SPAG16: variants seen among roughly 807,000 people sequenced by gnomAD.
SPAG16 encodes sperm-associated antigen 16 protein.
In SPAG16, 86 loss-of-function variants were observed where a neutral mutation model predicts 80.4. The observed-to-expected ratio is 1.07, with a 90% CI of 0.90 to 1.28. The LOEUF (loss-of-function observed/expected upper bound fraction) is 1.28, where lower values mean the gene tolerates loss of function less well. Among genes scored for constraint, SPAG16 ranks in the 50% most tolerant of loss-of-function variants. SPAG16 has a pLI of 0.00. For missense variants in SPAG16, 870 were observed against 765.3 expected (o/e 1.14, Z -1.61); for synonymous variants, 294 against 265.9 (o/e 1.11, Z -1.03).
chr2:214,361,216 C>T (rs544936738), intron 15 of SPAG16, among the ~76,000 whole-genome samples: 2 of 151,754 alleles, frequency 1.3e-5, no homozygotes, highest in South Asian at 4.2e-4. Context: ...ATTTTATGAC[C>T]CCCAGTGCTA....
chr2:213,292,521 G>A (rs1415581787), intron 1 of SPAG16, among the ~76,000 whole-genome samples: 1 of 150,702 alleles, frequency 6.6e-6, no homozygotes, highest in Admixed American at 6.6e-5. Context: ...AAAATTAGCC[G>A]GGCGTAGTGG....
At chr2:213,693,984 T>A (rs2065052276) in intron 10 of SPAG16, among the ~76,000 whole-genome samples, 1 of 151,462 alleles carries the variant, frequency 6.6e-6, no homozygotes, top group African/African-American at 2.4e-5. Flanking sequence ...GGATTTATCA[T>A]GTCAACTCTC....
At chr2:214,355,409 A>G (rs1165183477) in intron 15 of SPAG16, among the ~76,000 whole-genome samples, 2 of 144,740 alleles carry the variant, frequency 1.4e-5, no homozygotes, top group Non-Finnish European at 1.5e-5. Context: ...GCAGCCAAAA[A>G]ACACATGAAA....
intron 15 of SPAG16, among the ~76,000 whole-genome samples, chr2:214,156,293 T>C (rs1267997949): frequency 6.6e-6 from 1 of 152,154 alleles, no homozygotes; most frequent in Non-Finnish European, 1.5e-5. Flanking sequence ...GCAGTGTAAA[T>C]TCCTATTCAA....
chr2:213,873,497 A>T, intron 11 of SPAG16, among the ~76,000 whole-genome samples: 1 of 151,226 alleles, frequency 6.6e-6, no homozygotes, highest in Admixed American at 6.6e-5. Flanking sequence ...TCTTTTATTT[A>T]TTTACATTCA....
intron 10 of SPAG16, among the ~76,000 whole-genome samples, chr2:213,629,300 T>C (rs1166991134): frequency 6.6e-6 from 1 of 152,176 alleles, no homozygotes; most frequent in Admixed American, 6.5e-5. Flanking sequence ...TCTTAGCCAT[T>C]GCAACCAAGG....
At chr2:213,579,506 T>A (rs1186106964) in intron 10 of SPAG16, among the ~76,000 whole-genome samples, 1 of 152,184 alleles carries the variant, frequency 6.6e-6, no homozygotes, top group Non-Finnish European at 1.5e-5. Flanking sequence ...TTTCATTTGA[T>A]CTAAAATAAG....
chr2:213,957,876 C>T (rs192770650), intron 12 of SPAG16, among the ~76,000 whole-genome samples: 97 of 152,236 alleles, frequency 6.4e-4, no homozygotes, highest in Non-Finnish European at 5.7e-4. Flanking sequence ...GTCTTAAAGT[C>T]TCTTTCTGGT....
intron 9 of SPAG16, among the ~76,000 whole-genome samples, chr2:213,407,512 C>T (rs1455201581): frequency 6.6e-6 from 1 of 151,884 alleles, no homozygotes; most frequent in Non-Finnish European, 1.5e-5. Context: ...CACAACCCCC[C>T]CGTTCAACCC....
At chr2:214,119,994 G>A (rs12616765) in intron 14 of SPAG16, among the ~76,000 whole-genome samples, 146,577 of 152,038 alleles carry the variant, frequency 0.96, 70,798 homozygotes, top group Non-Finnish European at 0.99. Flanking sequence ...TTTCTATGCT[G>A]TGTCTACATG....
intron 15 of SPAG16, among the ~76,000 whole-genome samples, chr2:214,224,937 G>A (rs748344414): frequency 6.6e-6 from 1 of 151,824 alleles, no homozygotes; most frequent in Non-Finnish European, 1.5e-5. Flanking sequence ...ATTAACTGGT[G>A]CACAATATTA....
intron 10 of SPAG16, among the ~76,000 whole-genome samples, chr2:213,510,398 T>G (rs1020990131): frequency 6.6e-6 from 1 of 152,150 alleles, no homozygotes; most frequent in Non-Finnish European, 1.5e-5. Flanking sequence ...TTTTTTTTAT[T>G]ATTTTATTTT....
chr2:213,861,008 G>C (rs565908560), intron 10 of SPAG16, among the ~76,000 whole-genome samples: 1 of 152,112 alleles, frequency 6.6e-6, no homozygotes, highest in Admixed American at 6.5e-5. Flanking sequence ...CTTCTATCCG[G>C]TTTGAGCTGT....
chr2:213,348,077 A>G (rs184554605), intron 6 of SPAG16, among the ~76,000 whole-genome samples: 119 of 152,250 alleles, frequency 7.8e-4, no homozygotes, highest in African/African-American at 2.7e-3. Context: ...CTCCTGTATT[A>G]GGTGCACATA....
Position 214,165,469 on chromosome 2 carries a change from C to CTTTTTTTT in SPAG16, c.1720+16233_1720+16240dup, listed in dbSNP as rs67726428. On this transcript the variant is annotated intron_variant, in intron 15 of 15. Coordinates refer to ENST00000331683, the MANE Select transcript of SPAG16 (RefSeq NM_024532.5). Reference sequence around the variant, plus strand: ...TTTAAAAATGCTTTGCATCACCATCCTTTTTTTTTTTTTTTTTTTTTTTTT... The same window carrying CTTTTTTTT: ...TTTAAAAATGCTTTGCATCACCATCCTTTTTTTTTTTTTTTTTTTTTTTTTTTTTTTTT... 1.1e-3 allele frequency among the ~76,000 whole-genome samples: 41 copies of CTTTTTTTT among 37,858 alleles called. 5 individuals are homozygous for CTTTTTTTT. The highest frequency in any genetic ancestry group is 3.3e-3 in the African/African-American group (24 of 7,174). 24.8% of individuals were successfully genotyped at this position (37,858 alleles called of 152,430 possible).
intron 10 of SPAG16, among the ~76,000 whole-genome samples, chr2:213,702,384 G>A (rs1375989300): frequency 1.3e-5 from 2 of 152,178 alleles, no homozygotes; most frequent in Non-Finnish European, 2.9e-5. Flanking sequence ...TGCTGCTGCT[G>A]TTTGGGTCCA....
At chr2:213,519,248 CCTTA>C (rs1420014186) in intron 10 of SPAG16, among the ~76,000 whole-genome samples, 1 of 152,032 alleles carries the variant, frequency 6.6e-6, no homozygotes, top group Non-Finnish European at 1.5e-5. Flanking sequence ...TGATTCATAC[CCTTA>C]CTTTTAAAAA....
At chr2:213,892,858 G>T (rs1353687787) in intron 11 of SPAG16, among the ~76,000 whole-genome samples, 1 of 152,076 alleles carries the variant, frequency 6.6e-6, no homozygotes. Context: ...TGAGAAAGTT[G>T]AACAATAGCA....
intron 10 of SPAG16, among the ~76,000 whole-genome samples, chr2:213,749,031 C>A (rs908562025): frequency 3.9e-5 from 6 of 152,072 alleles, no homozygotes; most frequent in Non-Finnish European, 7.4e-5. Flanking sequence ...CCTGTAGTCC[C>A]AGCTACTCAG....
Sources: allele counts gnomAD v4.1 joint callset (sites outside exome capture counted in the v4.1 genomes callset), GRCh38; gene constraint gnomAD v4.1.1; transcripts MANE v1.5; gene names NCBI Gene and HGNC (gene_info 2026-07-23, HGNC 2026-07-21).